The following WDR97 variants were observed in gnomAD, a reference collection of about 807,000 sequenced individuals.
The protein encoded by WDR97 is WD repeat-containing protein 97.
A neutral mutation model predicts 65.4 loss-of-function variants in WDR97; 111 were observed. That is an observed-to-expected ratio of 1.70 (90% CI 1.45 to 1.99). The LOEUF (loss-of-function observed/expected upper bound fraction) is 1.99, where lower values mean the gene tolerates loss of function less well. Ranked by LOEUF, WDR97 falls within the 30% of genes most tolerant of loss-of-function variation. WDR97 has a pLI of 0.00. For synonymous variants in WDR97, 802 were observed against 397.7 expected (o/e 2.02, Z -12.10); for missense variants, 1,674 against 865.0 (o/e 1.94, Z -11.73).
rs1302193779 is a variant in WDR97, at chr8:144,116,558, GC to G, written c.*266del. On this transcript the variant is annotated 3_prime_UTR_variant, in exon 24 of 24. Transcript: ENST00000323662. ...CGGCCTAGGGCAGAGGAGACCCATAGCGGGGTACCATCCGCTGGGCACTGAG... is the reference window on the plus strand; with the variant it reads ...CGGCCTAGGGCAGAGGAGACCCATAGGGGGTACCATCCGCTGGGCACTGAG... 119 of 419,452 alleles carry G rather than the reference GC, an allele frequency of 2.8e-4. No homozygotes were observed. Among genetic ancestry groups the G allele is most frequent in the African/African-American group, 2.3e-3 (111 of 48,160 alleles). The allele number at this position is 419,452 out of a possible 1,614,324, so 26.0% of individuals were successfully genotyped here.
chr8:144,110,408 C>A lies in WDR97; in HGVS notation c.1911C>A (p.Arg637=), dbSNP rs997356097. 2 of 702,898 alleles carry A rather than the reference C, an allele frequency of 2.8e-6. No homozygotes were observed. Among genetic ancestry groups the A allele is most frequent in the African/African-American group, 1.7e-5 (1 of 57,270 alleles). 43.5% of individuals were successfully genotyped at this position (702,898 alleles called of 1,614,324 possible). A position where few individuals can be genotyped will look rare whatever the true frequency, so the allele number is the denominator to read the frequency against. The change falls in exon 7 of 24, where the codon CGC becomes CGA. Residue 637 remains arginine (R), a synonymous_variant. Coordinates refer to ENST00000323662, the MANE Select transcript of WDR97 (RefSeq NM_001316309.2). ...CCGAAGAGAGCCTGAGCCTGCTGCGCACCTTCTCCTGCTGCTACCCGGCCG... is the reference window on the plus strand; with the variant it reads ...CCGAAGAGAGCCTGAGCCTGCTGCGAACCTTCTCCTGCTGCTACCCGGCCG... ...PYAEESLSLL[R]TFSCCYPAVA...
Position 144,108,822 on chromosome 8 carries a change from G to A in WDR97, c.756G>A (p.Leu252=), listed in dbSNP as rs1210078588. 1.4e-6 allele frequency: 1 copy of A among 702,702 alleles called. No homozygotes were observed. Among genetic ancestry groups the A allele is most frequent in the Non-Finnish European group, 2.6e-6 (1 of 384,918 alleles). The allele number at this position is 702,702 out of a possible 1,614,324, so 43.5% of individuals were successfully genotyped here. The change falls in exon 3 of 24, where the codon CTG becomes CTA. Residue 252 remains leucine, a synonymous_variant. Coordinates refer to ENST00000323662, the MANE Select transcript of WDR97 (RefSeq NM_001316309.2). ...PPSPTGRLMR[L]AVAPVPPHHV... ...GCCCAACAGGCAGGCTCATGCGTCTGGCTGTGGCGCCGGTTCCTCCCCACC... is the reference window on the plus strand; with the variant it reads ...GCCCAACAGGCAGGCTCATGCGTCTAGCTGTGGCGCCGGTTCCTCCCCACC...
chr8:144,112,283 G>A lies in WDR97; in HGVS notation c.2955G>A (p.Gln985=), dbSNP rs1451245192. The A allele has an allele frequency of 1.4e-6, 1 of 702,790 alleles. No individual in the cohort carries two copies. Among genetic ancestry groups the A allele is most frequent in the South Asian group, 1.5e-5 (1 of 67,606 alleles). The allele number at this position is 702,790 out of a possible 1,614,324, so 43.5% of individuals were successfully genotyped here. ...YLGISLDLQL[Q]LEQLRGRTTM... The stretch of plus-strand genomic sequence containing the variant: ...GCATCAGTCTGGATCTGCAGCTGCA[G>A]TTGGAGCAGCTCCGAGGGAGGACGA... Residue 985 remains glutamine, a synonymous_variant, in exon 14 of 24, where the codon CAG becomes CAA. Coordinates refer to ENST00000323662, the MANE Select transcript of WDR97 (RefSeq NM_001316309.2).
chr8:144,115,366 T>C lies in WDR97; in HGVS notation c.4103T>C (p.Val1368Ala), dbSNP rs1274949517. 4.9e-6 allele frequency: 3 copies of C among 611,262 alleles called. No individual in the cohort carries two copies. The highest frequency in any genetic ancestry group is 8.9e-6 in the Non-Finnish European group (3 of 338,654). The allele number at this position is 611,262 out of a possible 1,614,324, so 37.9% of individuals were successfully genotyped here. A position where few individuals can be genotyped will look rare whatever the true frequency, so the allele number is the denominator to read the frequency against. ...LQETPSQTSV[V>A]SGAPTRASVI... is the part of the protein sequence containing the mutation. ...GAGACCCCATCGCAGACGTCAGTGG[T>C]CTCTGGGGCACCCACACGCGCCTCC... Residue 1368 changes from valine to alanine, a missense_variant, in exon 22 of 24, where the codon GTC (valine) becomes GCC (alanine). Transcript: ENST00000323662.
Position 144,108,940 on chromosome 8 carries a change from A to G in WDR97, c.874A>G (p.Lys292Glu), listed in dbSNP as rs1028588881. 1.1e-5 allele frequency: 8 copies of G among 702,856 alleles called. No homozygotes were observed. Among genetic ancestry groups the G allele is most frequent in the Admixed American group, 4.0e-5 (2 of 49,996 alleles). The allele number at this position is 702,856 out of a possible 1,614,324, so 43.5% of individuals were successfully genotyped here. The change falls in exon 3 of 24, where the codon AAA becomes GAA. Residue 292 changes from lysine (K) to glutamate (E), a missense_variant. Coordinates refer to ENST00000323662, the MANE Select transcript of WDR97 (RefSeq NM_001316309.2). ...CGTAGATGTGCGCCGGGATTTGCAC[A>G]AAACGTGAGGGGGATCCCCCTAGGG... ...TLVDVRRDLH[K>E]TTISDLAYCE...
At position 144,109,839 on chromosome 8, in the gene WDR97, A is replaced by T; in HGVS notation, c.1505A>T (p.Asn502Ile). The change falls in exon 5 of 24, where the codon AAC becomes ATC. Residue 502 changes from asparagine to isoleucine, a missense_variant. Transcript: ENST00000323662. Reference sequence around the variant, plus strand: ...AGGGCTGGGCACCTGGTCCGCGCCAACGCGGCGCGCTGCCCCATGAGCGTG... The same window carrying T: ...AGGGCTGGGCACCTGGTCCGCGCCATCGCGGCGCGCTGCCCCATGAGCGTG... ...LTRAGHLVRA[N>I]AARCPMSVLH... 1.4e-6 allele frequency: 1 copy of T among 692,262 alleles called. No homozygotes were observed. Among genetic ancestry groups the T allele is most frequent in the South Asian group, 1.5e-5 (1 of 66,632 alleles). 42.9% of individuals were successfully genotyped at this position (692,262 alleles called of 1,614,324 possible). A position where few individuals can be genotyped will look rare whatever the true frequency, so the allele number is the denominator to read the frequency against.
Position 144,116,142 on chromosome 8 carries a change from G to A in WDR97, c.4718G>A (p.Arg1573Gln), listed in dbSNP as rs113419824. The change falls in exon 24 of 24, where the codon CGG becomes CAG. Residue 1573 changes from arginine (R) to glutamine (Q), a missense_variant. By Grantham distance (43) the Arg-to-Gln change is conservative (BLOSUM62 1). Coordinates refer to ENST00000323662, the MANE Select transcript of WDR97 (RefSeq NM_001316309.2). ...GGCCGCACCCTGGACGGCCCCATCC[G>A]GACGCTGAAGCTGCCGTTGCCGCGT... ...CAGRTLDGPI[R>Q]TLKLPLPRVE... 8.9e-5 allele frequency: 59 copies of A among 663,284 alleles called. No homozygotes were observed. Among genetic ancestry groups the A allele is most frequent in the Admixed American group, 5.2e-4 (24 of 46,458 alleles). The allele number at this position is 663,284 out of a possible 1,614,324, so 41.1% of individuals were successfully genotyped here. A position where few individuals can be genotyped will look rare whatever the true frequency, so the allele number is the denominator to read the frequency against.
At chr8:144,111,542 C>A in intron 11 of WDR97, 56 bp downstream of exon 11, 1 of 694,370 alleles carries the variant, frequency 1.4e-6, no homozygotes, top group South Asian at 1.5e-5. Context: ...AGCCGTCAGC[C>A]CTGGGGCAGG....
In WDR97 at chr8:144,113,759, G is replaced by A. The variant is rs1836594439; in HGVS notation, c.3286G>A (p.Glu1096Lys). ...LQWMGEKPGE[E>K]GEEDKKEEEE... ...ATGGATGGGGGAGAAGCCTGGGGAG[G>A]AGGGGGAGGAAGACAAGAAGGAAGA... Residue 1096 changes from glutamate to lysine, a missense_variant, in exon 17 of 24, where the codon GAG becomes AAG. Coordinates refer to ENST00000323662, the MANE Select transcript of WDR97 (RefSeq NM_001316309.2). 1.4e-6 allele frequency: 1 copy of A among 702,360 alleles called. No individual in the cohort carries two copies. Among genetic ancestry groups the A allele is most frequent in the African/African-American group, 1.7e-5 (1 of 57,276 alleles). The allele number at this position is 702,360 out of a possible 1,614,324, so 43.5% of individuals were successfully genotyped here. A position where few individuals can be genotyped will look rare whatever the true frequency, so the allele number is the denominator to read the frequency against.
rs1001724970 is a variant in WDR97 at position 144,109,891 on chromosome 8, C to T, written c.1557C>T (p.Pro519=). 1.0e-5 allele frequency: 7 copies of T among 701,472 alleles called. No individual in the cohort carries two copies. The highest frequency in any genetic ancestry group is 1.8e-5 in the Non-Finnish European group (7 of 384,374). 43.5% of individuals were successfully genotyped at this position (701,472 alleles called of 1,614,324 possible). A position where few individuals can be genotyped will look rare whatever the true frequency, so the allele number is the denominator to read the frequency against. The part of the protein sequence containing the change: ...SVLHRVCPPP[P]PAPQPCCLHL... ...TGCACCGCGTGTGCCCGCCGCCGCCCCCTGCGCCGCAGCCTTGCTGTCTGC... is the reference window on the plus strand; with the variant it reads ...TGCACCGCGTGTGCCCGCCGCCGCCTCCTGCGCCGCAGCCTTGCTGTCTGC... Residue 519 remains proline (P), a synonymous_variant, in exon 5 of 24, where the codon CCC becomes CCT. Coordinates refer to ENST00000323662, the MANE Select transcript of WDR97 (RefSeq NM_001316309.2).
chr8:144,112,686 C>T, intron 15 of WDR97, 156 bp downstream of exon 15: 2 of 628,040 alleles, frequency 3.2e-6, no homozygotes, highest in South Asian at 3.6e-5. Flanking sequence ...TCCCACGCAC[C>T]CCTCACCCCT....
rs1836552327 is a variant in WDR97 at position 144,111,702 on chromosome 8, C to A, written c.2558C>A (p.Ala853Asp). 3 of 698,972 alleles carry A rather than the reference C, an allele frequency of 4.3e-6. No homozygotes were observed. The highest frequency in any genetic ancestry group is 7.8e-6 in the Non-Finnish European group (3 of 382,656). The allele number at this position is 698,972 out of a possible 1,614,324, so 43.3% of individuals were successfully genotyped here. A position where few individuals can be genotyped will look rare whatever the true frequency, so the allele number is the denominator to read the frequency against. Residue 853 changes from alanine (A) to aspartate (D), a missense_variant, in exon 12 of 24, where the codon GCC (alanine) becomes GAC (aspartate). Ala to Asp is a moderately radical substitution (Grantham distance 126, BLOSUM62 -2). Transcript: ENST00000323662. Reference sequence around the variant, plus strand: ...AGGCTGGGGCTAGTGGTCCCAGCAGCCCAGCCCCCACCCTCCTGGCAGCAG... The same window carrying A: ...AGGCTGGGGCTAGTGGTCCCAGCAGACCAGCCCCCACCCTCCTGGCAGCAG... Reference protein sequence around the residue: ...QLRLGLVVPAAQPPPSWQQRQ... With the variant: ...QLRLGLVVPADQPPPSWQQRQ...
intron 21 of WDR97, among the ~76,000 whole-genome samples, 157 bp from the exon 22 acceptor site, chr8:144,115,184 G>T (rs1389988572): frequency 1.3e-5 from 2 of 152,242 alleles, no homozygotes; most frequent in African/African-American, 4.8e-5. Flanking sequence ...CGGGCAGAAG[G>T]GAGTTTCAGT....
intron 21 of WDR97, 39 bp downstream of exon 21, chr8:144,114,950 G>A (rs1434325332): frequency 1.5e-6 from 1 of 651,348 alleles, no homozygotes; most frequent in Non-Finnish European, 2.8e-6. Flanking sequence ...TGGGAACCCT[G>A]TTGCCTTCTC....
At chr8:144,110,298 C>A (rs1428211661) in intron 6 of WDR97, 42 bp downstream of exon 6, 1 of 702,218 alleles carries the variant, frequency 1.4e-6, no homozygotes, top group South Asian at 1.5e-5. Flanking sequence ...CCACAGAGCC[C>A]CCTCCCCTCC....
rs1345812377 is a variant in WDR97 at position 144,110,644 on chromosome 8, G to A, written c.2081-5G>A. On this transcript the variant is annotated splice_region_variant and splice_polypyrimidine_tract_variant and intron_variant, in intron 7 of 23. Coordinates refer to ENST00000323662, the MANE Select transcript of WDR97 (RefSeq NM_001316309.2). ...CCGGTTCCTGACCCTGAACCCTGCC[G>A]CCAGGCCTGTGCTGCTGCCCCACGC... 1.0e-5 allele frequency: 7 copies of A among 702,706 alleles called. No individual in the cohort carries two copies. Among genetic ancestry groups the A allele is most frequent in the African/African-American group, 1.7e-5 (1 of 57,262 alleles). The allele number at this position is 702,706 out of a possible 1,614,324, so 43.5% of individuals were successfully genotyped here. A position where few individuals can be genotyped will look rare whatever the true frequency, so the allele number is the denominator to read the frequency against.
rs897927784 is a variant in WDR97 at position 144,113,773 on chromosome 8, C to T, written c.3300C>T (p.Asp1100=). 22 of 702,542 alleles carry T rather than the reference C, an allele frequency of 3.1e-5. No homozygotes were observed. In the Admixed American group the frequency reaches 4.4e-4, roughly 14 times the overall value. 43.5% of individuals were successfully genotyped at this position (702,542 alleles called of 1,614,324 possible). The part of the protein sequence containing the change: ...GEKPGEEGEE[D]KKEEEEEKED... ...AGCCTGGGGAGGAGGGGGAGGAAGA[C>T]AAGAAGGAAGAGGAGGAGGAGAAGG... Residue 1100 remains aspartate (D), a synonymous_variant, in exon 17 of 24, where the codon GAC becomes GAT. Transcript: ENST00000323662.
At position 144,107,976 on chromosome 8, in the gene WDR97, G is replaced by GC. The variant is rs1229188835; in HGVS notation, c.113-79dup. The stretch of plus-strand genomic sequence containing the variant: ...CCTGGGCAGTCCCTGGTAGGGCAGG[G>GC]CCCCTGGAGGAGGGCTCCCCATAAC... On this transcript the variant is annotated intron_variant, in intron 1 of 23. Coordinates refer to ENST00000323662, the MANE Select transcript of WDR97 (RefSeq NM_001316309.2). 1.3e-5 allele frequency: 9 copies of GC among 701,280 alleles called. No homozygotes were observed. In the African/African-American group the frequency reaches 1.4e-4, roughly 11 times the overall value. 43.4% of individuals were successfully genotyped at this position (701,280 alleles called of 1,614,324 possible). A position where few individuals can be genotyped will look rare whatever the true frequency, so the allele number is the denominator to read the frequency against.
In WDR97 at chr8:144,112,235, C is replaced by T. The variant is rs1367946487; in HGVS notation, c.2907C>T (p.Arg969=). 2.8e-6 allele frequency: 2 copies of T among 702,740 alleles called. No individual in the cohort carries two copies. The highest frequency in any genetic ancestry group is 3.0e-5 in the South Asian group (2 of 67,604). 43.5% of individuals were successfully genotyped at this position (702,740 alleles called of 1,614,324 possible). Residue 969 remains arginine (R), a synonymous_variant, in exon 14 of 24, where the codon CGC becomes CGT. Transcript: ENST00000323662. ...VHSKASQLLA[R]SSLSHYLGIS... ...CTCCTATGCCCCAGCTTCTGGCCCG[C>T]TCCTCACTGAGCCACTACCTGGGCA...
Sources: allele counts gnomAD v4.1 joint callset (sites outside exome capture counted in the v4.1 genomes callset), GRCh38; gene constraint gnomAD v4.1.1; transcripts MANE v1.5; gene names NCBI Gene and HGNC (gene_info 2026-07-23, HGNC 2026-07-21).